Variants in SGCZ observed in about 807,000 individuals in gnomAD.
SGCZ encodes sarcoglycan zeta, also known as zeta-sarcoglycan.
A neutral mutation model predicts 41.3 loss-of-function variants in SGCZ; 40 were observed. The observed-to-expected ratio is 0.97, with a 90% confidence interval of 0.75 to 1.26. The LOEUF is 1.26. Among genes scored for constraint, SGCZ ranks in the 50% most tolerant of loss-of-function variants. The pLI, the probability that SGCZ is intolerant of heterozygous loss-of-function variation, is 0.00. For synonymous variants in SGCZ, 206 were observed against 137.5 expected (o/e 1.50, Z -3.49); for missense variants, 552 against 369.8 (o/e 1.49, Z -4.04).
chr8:14,598,405 T>C (rs1358499648), intron 1 of SGCZ, among the ~76,000 whole-genome samples: 1 of 152,170 alleles, frequency 6.6e-6, no homozygotes, highest in Non-Finnish European at 1.5e-5. Flanking sequence ...TCCCTTCTAA[T>C]TTTATGTCTT....
chr8:14,110,667 A>C (rs2117009564), intron 5 of SGCZ, among the ~76,000 whole-genome samples: 1 of 152,326 alleles, frequency 6.6e-6, no homozygotes, highest in South Asian at 2.1e-4. Context: ...CAAAGGTACA[A>C]AATTAATAAG....
chr8:14,291,985 A>C (rs1800855380), intron 3 of SGCZ, among the ~76,000 whole-genome samples: 1 of 152,098 alleles, frequency 6.6e-6, no homozygotes. Context: ...TGGCTTTTCT[A>C]ATCTTCTCTC....
rs150507614 is a variant in SGCZ at position 14,459,580 on chromosome 8, G to C, written c.234+95152C>G. Among the ~76,000 whole-genome samples the C allele has an allele frequency of 1.1e-4, 17 of 152,250 alleles. No individual in the cohort carries two copies. In the East Asian group the frequency reaches 3.1e-3, roughly 28 times the overall value. On this transcript the variant is annotated intron_variant, in intron 2 of 7. Transcript: ENST00000382080. ...TGAGGAGAAGCAAGATATTTGAGTA[G>C]TCTGAAAGTATCTATCTCAAGACAT...
intron 1 of SGCZ, among the ~76,000 whole-genome samples, chr8:14,775,687 T>C (rs1800382021): frequency 6.6e-6 from 1 of 152,190 alleles, no homozygotes; most frequent in African/African-American, 2.4e-5. Context: ...GATTTAATTA[T>C]ATGCAAAATT....
intron 2 of SGCZ, among the ~76,000 whole-genome samples, chr8:14,439,325 A>ATC (rs1475514249): frequency 2.0e-5 from 3 of 148,448 alleles, no homozygotes; most frequent in African/African-American, 7.5e-5. Context: ...ATATATATAT[A>ATC]TATATCTCCT....
intron 1 of SGCZ, among the ~76,000 whole-genome samples, chr8:14,613,900 A>C (rs1460606529): frequency 6.6e-6 from 1 of 152,212 alleles, no homozygotes. Flanking sequence ...GTACAAAAAA[A>C]AATCAAAATC....
chr8:15,142,419 A>G (rs1798914763), intron 1 of SGCZ, among the ~76,000 whole-genome samples: 1 of 152,138 alleles, frequency 6.6e-6, no homozygotes, highest in Non-Finnish European at 1.5e-5. Context: ...AGCCTCTAAA[A>G]TTGGGAGTAC....
intron 2 of SGCZ, among the ~76,000 whole-genome samples, chr8:14,356,203 G>C (rs548185102): frequency 6.6e-6 from 1 of 152,118 alleles, no homozygotes; most frequent in Non-Finnish European, 1.5e-5. Context: ...GCTAAGCCAC[G>C]ATGTTCGGTA....
intron 5 of SGCZ, among the ~76,000 whole-genome samples, chr8:14,143,534 C>T (rs1462205361): frequency 6.6e-6 from 1 of 152,026 alleles, no homozygotes; most frequent in Non-Finnish European, 1.5e-5. Context: ...AATAATAAGC[C>T]TGTAGAAACA....
chr8:14,695,622 G>T (rs1808933888), intron 1 of SGCZ, among the ~76,000 whole-genome samples: 1 of 151,898 alleles, frequency 6.6e-6, no homozygotes, highest in Non-Finnish European at 1.5e-5. Context: ...TTTGATTATA[G>T]TTAAAAGCTA....
At chr8:15,186,314 G>A (rs553295789) in intron 1 of SGCZ, among the ~76,000 whole-genome samples, 16 of 78,484 alleles carry the variant, frequency 2.0e-4, no homozygotes, top group Admixed American at 1.3e-4. Context: ...AATTTCTCTC[G>A]CATGTAGTAG....
At chr8:14,809,279 G>C (rs1245238819) in intron 1 of SGCZ, among the ~76,000 whole-genome samples, 2 of 151,938 alleles carry the variant, frequency 1.3e-5, no homozygotes, top group East Asian at 1.9e-4. Flanking sequence ...AGAGCAAACT[G>C]TTTCAAAGGA....
At chr8:14,341,912 G>T (rs912529812) in intron 2 of SGCZ, among the ~76,000 whole-genome samples, 2 of 152,106 alleles carry the variant, frequency 1.3e-5, no homozygotes, top group Non-Finnish European at 1.5e-5. Flanking sequence ...TTCAGGTCTG[G>T]CTTTATCAGC....
At chr8:15,156,639 C>T (rs151103948) in intron 1 of SGCZ, among the ~76,000 whole-genome samples, 2 of 152,230 alleles carry the variant, frequency 1.3e-5, no homozygotes, top group African/African-American at 4.8e-5. Flanking sequence ...GCAATACATA[C>T]CAATGTAAAG....
intron 5 of SGCZ, among the ~76,000 whole-genome samples, chr8:14,127,394 T>A (rs77338588): frequency 3.3e-5 from 5 of 152,270 alleles, no homozygotes; most frequent in Non-Finnish European, 7.3e-5. Context: ...TATGCCAATA[T>A]GTTACCAATC....
At chr8:14,864,751 C>T (rs535594413) in intron 1 of SGCZ, among the ~76,000 whole-genome samples, 1 of 152,234 alleles carries the variant, frequency 6.6e-6, no homozygotes, top group Non-Finnish European at 1.5e-5. Flanking sequence ...TCTCCATACA[C>T]ATTTTTCATA....
chr8:14,250,384 T>G (rs964733898), intron 3 of SGCZ, among the ~76,000 whole-genome samples: 19 of 151,964 alleles, frequency 1.3e-4, no homozygotes, highest in African/African-American at 4.6e-4. Flanking sequence ...GTGTCGAAAT[T>G]TTTTTTTAAA....
intron 1 of SGCZ, among the ~76,000 whole-genome samples, chr8:14,748,900 G>A (rs534030265): frequency 6.6e-6 from 1 of 151,758 alleles, no homozygotes; most frequent in Non-Finnish European, 1.5e-5. Flanking sequence ...TTTTACAAAT[G>A]GTTTAATGGA....
intron 2 of SGCZ, among the ~76,000 whole-genome samples, chr8:14,446,752 G>C (rs1800443470): frequency 6.6e-6 from 1 of 152,066 alleles, no homozygotes; most frequent in African/African-American, 2.4e-5. Context: ...CTGTAATTGA[G>C]TCTTCATGCA....
Sources: allele counts gnomAD v4.1 joint callset (sites outside exome capture counted in the v4.1 genomes callset), GRCh38; gene constraint gnomAD v4.1.1; transcripts MANE v1.5; gene names NCBI Gene and HGNC (gene_info 2026-07-23, HGNC 2026-07-21).